Variants in DAB1 observed in about 807,000 individuals in gnomAD.
DAB1 encodes the protein DAB adaptor protein 1.
Under a neutral mutation model 64.6 loss-of-function variants are expected in DAB1, and 15 were observed. The ratio of observed to expected loss-of-function variants is 0.23; its 90% CI spans 0.16 to 0.36. The LOEUF is 0.36. DAB1 is among the 10% of genes least tolerant of loss of function. The pLI, the probability that DAB1 is intolerant of heterozygous loss-of-function variation, is 1.00. For missense variants in DAB1, 596 were observed against 706.7 expected (o/e 0.84, Z 1.78); for synonymous variants, 235 against 251.9 (o/e 0.93, Z 0.64).
At chr1:58,036,613 T>C (rs1647048800) in intron 5 of DAB1, among the ~76,000 whole-genome samples, 1 of 152,200 alleles carries the variant, frequency 6.6e-6, no homozygotes, top group African/African-American at 2.4e-5. Flanking sequence ...TGCAGCCTTC[T>C]ACTAATTTTT....
At chr1:57,556,805 C>T (rs867583416) in intron 7 of DAB1, among the ~76,000 whole-genome samples, 8 of 152,158 alleles carry the variant, frequency 5.3e-5, no homozygotes, top group African/African-American at 1.7e-4. Flanking sequence ...TATATTTATC[C>T]TTGTTTTTTG....
chr1:57,615,122 G>A (rs927189963), intron 7 of DAB1, among the ~76,000 whole-genome samples: 5 of 151,718 alleles, frequency 3.3e-5, no homozygotes, highest in South Asian at 2.1e-4. Flanking sequence ...CACCCGCCTC[G>A]GCCTCCCAAA....
At chr1:57,971,729 A>G (rs1226974375) in intron 5 of DAB1, among the ~76,000 whole-genome samples, 1 of 152,214 alleles carries the variant, frequency 6.6e-6, no homozygotes, top group African/African-American at 2.4e-5. Flanking sequence ...TGTCTTCAAG[A>G]TATTTGTAAA....
At position 57,270,240 on chromosome 1, in the gene DAB1, C is replaced by T. The variant is rs1026028670; in HGVS notation, c.67+20724G>A. Among the ~76,000 whole-genome samples the T allele has an allele frequency of 7.2e-5, 11 of 152,284 alleles. No homozygotes were observed. The South Asian group carries it at 1.9e-3, about 26-fold the overall frequency. ...ATCCACCATTTAGTGAGCTCTGAGC[C>T]CATGCTGGGCATTCAAATACTCTGC... On this transcript the variant is annotated intron_variant, in intron 2 of 14. Transcript: ENST00000371236.
chr1:58,007,401 C>G (rs1646601407), intron 5 of DAB1, among the ~76,000 whole-genome samples: 1 of 152,170 alleles, frequency 6.6e-6, no homozygotes, highest in African/African-American at 2.4e-5. Flanking sequence ...ATTATTCTTT[C>G]AAGCTTCAAC....
At chr1:57,093,057 A>G (rs957785707) in intron 4 of DAB1, among the ~76,000 whole-genome samples, 1 of 152,152 alleles carries the variant, frequency 6.6e-6, no homozygotes, top group Non-Finnish European at 1.5e-5. Context: ...AAAGACCCAG[A>G]TAGACCTAGG....
chr1:57,290,023 C>G (rs551821695), intron 2 of DAB1, among the ~76,000 whole-genome samples: 3 of 152,230 alleles, frequency 2.0e-5, no homozygotes, highest in Non-Finnish European at 4.4e-5. Context: ...ATATCTCTGG[C>G]TCCTCTCTGC....
At chr1:57,177,800 C>T (rs1277009562) in intron 2 of DAB1, among the ~76,000 whole-genome samples, 1 of 152,152 alleles carries the variant, frequency 6.6e-6, no homozygotes, top group African/African-American at 2.4e-5. Flanking sequence ...AAGTTCTTCA[C>T]CTCCAAAGCA....
intron 7 of DAB1, among the ~76,000 whole-genome samples, chr1:57,627,887 C>T (rs1006286813): frequency 3.9e-5 from 6 of 151,942 alleles, no homozygotes; most frequent in African/African-American, 1.5e-4. Flanking sequence ...GTGCCTAGTC[C>T]TTCCAAGATC....
chr1:57,934,912 C>T (rs576783974), intron 5 of DAB1, among the ~76,000 whole-genome samples: 6 of 152,198 alleles, frequency 3.9e-5, no homozygotes, highest in Admixed American at 6.5e-5. Flanking sequence ...GCCAAAGAGA[C>T]GAAACAAAAT....
At chr1:57,707,525 C>G (rs1646983103) in intron 6 of DAB1, among the ~76,000 whole-genome samples, 1 of 152,026 alleles carries the variant, frequency 6.6e-6, no homozygotes, top group Admixed American at 6.6e-5. Context: ...TTTCATTTCT[C>G]TGGGGATGAA....
intron 6 of DAB1, among the ~76,000 whole-genome samples, chr1:57,737,680 T>C (rs1262254570): frequency 2.0e-5 from 3 of 152,128 alleles, no homozygotes; most frequent in Non-Finnish European, 2.9e-5. Context: ...CACTGGACCA[T>C]CCCCTTGATG....
In DAB1 at chr1:58,062,633, T is replaced by C. The variant is rs576831007; in HGVS notation, n.387+87878A>G. Among the ~76,000 whole-genome samples the C allele has an allele frequency of 5.3e-5, 8 of 152,316 alleles. No individual in the cohort carries two copies. The South Asian group carries it at 1.7e-3, about 32-fold the overall frequency. On this transcript the variant is annotated intron_variant and non_coding_transcript_variant, in intron 5 of 20. Transcript: ENST00000485760. ...CAAGCTCCCCAGGTTCTGTTCCTGGTGCAGAGTGAGGACACTCACTACGGT... is the reference window on the plus strand; with the variant it reads ...CAAGCTCCCCAGGTTCTGTTCCTGGCGCAGAGTGAGGACACTCACTACGGT...
chr1:58,300,548 GAAA>G (rs1244565485), intron 4 of DAB1, among the ~76,000 whole-genome samples: 11 of 20,264 alleles, frequency 5.4e-4, no homozygotes, highest in Non-Finnish European at 8.1e-4. Context: ...ACTCTGAAAA[GAAA>G]GAAAGAAAGA....
chr1:57,479,918 C>T (rs1438539729), intron 7 of DAB1, among the ~76,000 whole-genome samples: 1 of 151,952 alleles, frequency 6.6e-6, no homozygotes, highest in African/African-American at 2.4e-5. Flanking sequence ...CTTTGGGAGG[C>T]CGAGACGGGC....
At chr1:58,361,318 T>C (rs1210305294) in intron 3 of DAB1, among the ~76,000 whole-genome samples, 1 of 152,244 alleles carries the variant, frequency 6.6e-6, no homozygotes, top group Non-Finnish European at 1.5e-5. Context: ...AAACGAGGTC[T>C]GGGGGTGTCC....
chr1:57,566,351 T>A (rs1645120352), intron 7 of DAB1, among the ~76,000 whole-genome samples: 1 of 151,794 alleles, frequency 6.6e-6, no homozygotes, highest in African/African-American at 2.4e-5. Flanking sequence ...CAACCTAACA[T>A]CACAATTAAA....
chr1:57,235,874 T>A (rs908995663), intron 2 of DAB1, among the ~76,000 whole-genome samples: 3 of 152,238 alleles, frequency 2.0e-5, no homozygotes, highest in African/African-American at 4.8e-5. Flanking sequence ...GCAGTCTGCA[T>A]AGCTCAGAAT....
chr1:57,126,281 T>C (rs1657119434), intron 4 of DAB1, among the ~76,000 whole-genome samples: 1 of 152,186 alleles, frequency 6.6e-6, no homozygotes, highest in Non-Finnish European at 1.5e-5. Flanking sequence ...GTAACTTTAG[T>C]ACAGAAAGGA....
Sources: gnomAD v4.1 joint callset for allele counts (sites outside exome capture counted in the v4.1 genomes callset) on GRCh38, gnomAD v4.1.1 for gene constraint, MANE v1.5 for transcripts, NCBI Gene and HGNC (gene_info 2026-07-23, HGNC 2026-07-21) for gene names.